The following NEK5 variants were observed in gnomAD, a reference collection of about 807,000 sequenced individuals.
The protein encoded by NEK5 is NIMA related kinase 5.
In NEK5, 88 loss-of-function variants were observed where a neutral mutation model predicts 109.2. That is an observed-to-expected ratio of 0.81 (90% confidence interval 0.68 to 0.96). NEK5 has a LOEUF of 0.96. Ranked by LOEUF, NEK5 falls within the 40% of genes least tolerant of loss-of-function variation. NEK5 has a pLI of 0.00. For synonymous variants in NEK5, 283 were observed against 299.9 expected, an observed-to-expected ratio of 0.94 and a Z score of 0.58; for missense variants, 834 against 920.7, an observed-to-expected ratio of 0.91 and a Z score of 1.22.
At position 52,065,219 on chromosome 13, in the gene NEK5, C is replaced by A. The variant is rs558634440; in HGVS notation, c.1975+265G>T. On this transcript the variant is annotated intron_variant, in intron 21 of 23. Coordinates refer to ENST00000684899, the MANE Select transcript of NEK5 (RefSeq NM_001365552.1). The stretch of plus-strand genomic sequence containing the variant: ...AAATCAAGTCAGCTGTCCTTCCTCA[C>A]GCATTTTCCCTCACTCTGAGGAAGG... 4.4e-5 allele frequency: 23 copies of A among 522,044 alleles called. No homozygotes were observed. The East Asian group carries it at 6.3e-4, about 14-fold the overall frequency. 32.3% of individuals were successfully genotyped at this position (522,044 alleles called of 1,614,324 possible).
At position 52,034,690 on chromosome 13, in the gene NEK5, TA is replaced by T. The variant is rs1954342181; in HGVS notation, c.*2257del. On this transcript the variant is annotated 3_prime_UTR_variant, in exon 24 of 24. Coordinates refer to ENST00000684899, the MANE Select transcript of NEK5 (RefSeq NM_001365552.1). ...CAGAGGTGCACACCAACACACCAGC[TA>T]ATTCTTTTTTTTTTTTTTTTTTTTC... 2 of 135,314 alleles carry T rather than the reference TA, an allele frequency of 1.5e-5. No homozygotes were observed. The highest frequency in any genetic ancestry group is 2.6e-5 in the African/African-American group (1 of 38,946). 8.4% of individuals were successfully genotyped at this position (135,314 alleles called of 1,614,324 possible). A position where few individuals can be genotyped will look rare whatever the true frequency, so the allele number is the denominator to read the frequency against.
intron 13 of NEK5, among the ~76,000 whole-genome samples, chr13:52,091,187 T>C (rs143765304): frequency 6.6e-6 from 1 of 152,308 alleles, no homozygotes; most frequent in East Asian, 1.9e-4. Context: ...ATGTGAGAGC[T>C]TGGGAGATAT....
Position 52,087,434 on chromosome 13 carries a change from G to A in NEK5, c.1296C>T (p.Ala432=), listed in dbSNP as rs530160119. 34 of 1,598,584 alleles carry A rather than the reference G, an allele frequency of 2.1e-5. No individual in the cohort carries two copies. The highest frequency in any genetic ancestry group is 5.0e-5 in the Admixed American group (3 of 59,810). Residue 432 remains alanine (A), a synonymous_variant, in exon 15 of 24, where the codon GCC becomes GCT. Coordinates refer to ENST00000684899, the MANE Select transcript of NEK5 (RefSeq NM_001365552.1). ...EKQLGLRPSS[A]EPNYNQRQEL... ...CTTGTCTCTGGTTGTAATTTGGCTC[G>A]GCAGAAGATGGACGAAGACCCTATT...
At chr13:52,059,012 AGG>A (rs1454659621) in intron 22 of NEK5, among the ~76,000 whole-genome samples, 1 of 124,954 alleles carries the variant, frequency 8.0e-6, no homozygotes, top group Non-Finnish European at 1.7e-5. Context: ...CAGAGTGAAC[AGG>A]CAACCTACAA....
chr13:52,117,457 T>A (rs2138102621), intron 4 of NEK5, among the ~76,000 whole-genome samples: 1 of 152,282 alleles, frequency 6.6e-6, no homozygotes, highest in South Asian at 2.1e-4. Context: ...AAAAGAGTCA[T>A]AAGAAAATGT....
chr13:52,064,147 CTGG>C, intron 21 of NEK5, among the ~76,000 whole-genome samples: 2 of 145,704 alleles, frequency 1.4e-5, no homozygotes, highest in Non-Finnish European at 3.0e-5. Context: ...GCCCCTCTGC[CTGG>C]CCAGCCGCCC....
At chr13:52,099,898 A>C (rs752489480) in intron 11 of NEK5, 22 bp from the exon 12 acceptor site, 1 of 1,600,672 alleles carries the variant, frequency 6.2e-7, no homozygotes, top group African/African-American at 1.3e-5. Context: ...AAAATAAAAC[A>C]GCTTCAATTT....
At chr13:52,063,529 C>T (rs1405936448) in intron 21 of NEK5, among the ~76,000 whole-genome samples, 3 of 151,384 alleles carry the variant, frequency 2.0e-5, no homozygotes, top group Non-Finnish European at 4.4e-5. Context: ...TCTGCCCGGC[C>T]GCCCATCGTC....
chr13:52,118,727 G>C (rs771855765), intron 4 of NEK5, among the ~76,000 whole-genome samples: 3 of 152,088 alleles, frequency 2.0e-5, no homozygotes, highest in Non-Finnish European at 4.4e-5. Flanking sequence ...GCTATGGTGC[G>C]TGGCTGTTTG....
At chr13:52,127,690 GAC>G (rs1956093580) in intron 1 of NEK5, 28 bp from the exon 2 acceptor site, 3 of 519,654 alleles carry the variant, frequency 5.8e-6, no homozygotes, top group Non-Finnish European at 1.0e-5. Flanking sequence ...TTCTTGGTCA[GAC>G]ACGGGTCATA....
chr13:52,102,795 A>G (rs1782616182), intron 9 of NEK5, among the ~76,000 whole-genome samples: 1 of 138,500 alleles, frequency 7.2e-6, no homozygotes, highest in African/African-American at 2.5e-5. Context: ...ATGCCATGTT[A>G]TTTAAAACAA....
At chr13:52,059,739 G>T (rs1954594302) in intron 22 of NEK5, among the ~76,000 whole-genome samples, 1 of 151,506 alleles carries the variant, frequency 6.6e-6, no homozygotes, top group Admixed American at 6.6e-5. Flanking sequence ...TCACTCATAG[G>T]TGGGAATTGA....
At chr13:52,084,250 G>A (rs1713719420) in intron 16 of NEK5, among the ~76,000 whole-genome samples, 2 of 151,508 alleles carry the variant, frequency 1.3e-5, no homozygotes, top group African/African-American at 4.9e-5. Flanking sequence ...TTATTTTTTG[G>A]GACAGGGCCT....
chr13:52,126,797 AAAC>A (rs1429941938), intron 3 of NEK5, among the ~76,000 whole-genome samples: 1 of 152,122 alleles, frequency 6.6e-6, no homozygotes, highest in Non-Finnish European at 1.5e-5. Context: ...AAAGAAAAGA[AAAC>A]AAAAAAGAAA....
At chr13:52,095,541 T>C (rs1955391279) in intron 12 of NEK5, among the ~76,000 whole-genome samples, 1 of 152,260 alleles carries the variant, frequency 6.6e-6, no homozygotes, top group African/African-American at 2.4e-5. Context: ...CTTCTACAGG[T>C]CTGATAAAGA....
chr13:52,059,964 AT>A (rs1954597137), intron 22 of NEK5, among the ~76,000 whole-genome samples: 3 of 151,450 alleles, frequency 2.0e-5, no homozygotes, highest in South Asian at 4.2e-4. Context: ...TAATAAAAAA[AT>A]AAAAAAATAA....
intron 15 of NEK5, among the ~76,000 whole-genome samples, chr13:52,086,744 A>G (rs1955151420): frequency 6.6e-6 from 1 of 152,184 alleles, no homozygotes; most frequent in Non-Finnish European, 1.5e-5. Flanking sequence ...TGCAGATGAG[A>G]CTACTTAAGA....
Position 52,089,227 on chromosome 13 carries a change from A to G in NEK5, c.1275+20T>C. On this transcript the variant is annotated intron_variant, in intron 14 of 23. Transcript: ENST00000684899. ...ATTAGGAAATTCCTAATTGCTTCCC[A>G]TATTTGGTATTTTACTTACCAATTG... The G allele has an allele frequency of 2.1e-6, 3 of 1,446,310 alleles. No homozygotes were observed. Among genetic ancestry groups the G allele is most frequent in the Non-Finnish European group, 1.9e-6 (2 of 1,033,932 alleles). The allele number at this position is 1,446,310 out of a possible 1,614,324, so 89.6% of individuals were successfully genotyped here. A position where few individuals can be genotyped will look rare whatever the true frequency, so the allele number is the denominator to read the frequency against.
In NEK5 at chr13:52,035,805, C is replaced by T. The variant is rs993217701; in HGVS notation, c.*1143G>A. The T allele has an allele frequency of 3.9e-5, 6 of 152,074 alleles. No homozygotes were observed. The highest frequency in any genetic ancestry group is 1.2e-4 in the African/African-American group (5 of 41,402). The allele number at this position is 152,074 out of a possible 1,614,324, so 9.4% of individuals were successfully genotyped here. A position where few individuals can be genotyped will look rare whatever the true frequency, so the allele number is the denominator to read the frequency against. Reference sequence around the variant, plus strand: ...GGTCATTTAGTGCATAATTAACACACCATGCCTTGTTGTTCTTGCTCAATT... The same window carrying T: ...GGTCATTTAGTGCATAATTAACACATCATGCCTTGTTGTTCTTGCTCAATT... On this transcript the variant is annotated 3_prime_UTR_variant, in exon 24 of 24. Coordinates refer to ENST00000684899, the MANE Select transcript of NEK5 (RefSeq NM_001365552.1).
Sources: allele counts gnomAD v4.1 joint callset (sites outside exome capture counted in the v4.1 genomes callset), GRCh38; gene constraint gnomAD v4.1.1; transcripts MANE v1.5; gene names NCBI Gene and HGNC (gene_info 2026-07-23, HGNC 2026-07-21).